The following BAZ2B variants were observed in gnomAD, a reference collection of about 807,000 sequenced individuals.
BAZ2B encodes bromodomain adjacent to zinc finger domain protein 2B.
In BAZ2B, 91 loss-of-function variants were observed where a neutral mutation model predicts 246.0. That is an observed-to-expected ratio of 0.37 (90% confidence interval 0.31 to 0.44). BAZ2B has a LOEUF of 0.44. Among genes scored for constraint, BAZ2B ranks in the 20% least tolerant of loss-of-function variants. The probability of loss-of-function intolerance (pLI) is 1.00; values close to 1 mark genes in which losing one functional copy is unlikely to be tolerated. For missense variants in BAZ2B, 2,332 were observed against 2,533.7 expected, an observed-to-expected ratio of 0.92 and a Z score of 1.71; for synonymous variants, 855 against 860.0, an observed-to-expected ratio of 0.99 and a Z score of 0.10.
intron 27 of BAZ2B, among the ~76,000 whole-genome samples, chr2:159,355,816 C>T (rs1337117350): frequency 1.3e-5 from 2 of 152,130 alleles, no homozygotes; most frequent in Admixed American, 6.5e-5. Flanking sequence ...ACTGGTTAGA[C>T]AGTGGGTGCA....
At chr2:159,550,519 T>C (rs2088023591) in intron 2 of BAZ2B, among the ~76,000 whole-genome samples, 1 of 152,162 alleles carries the variant, frequency 6.6e-6, no homozygotes, top group East Asian at 1.9e-4. Flanking sequence ...GCCAGATTAC[T>C]ATACCTAGCT....
chr2:159,376,632 C>A (rs73967859), intron 25 of BAZ2B, among the ~76,000 whole-genome samples: 1 of 152,180 alleles, frequency 6.6e-6, no homozygotes, highest in Non-Finnish European at 1.5e-5. Flanking sequence ...AAATGATCTT[C>A]TGATCAGCAG....
At chr2:159,418,019 G>A (rs574864682) in intron 13 of BAZ2B, among the ~76,000 whole-genome samples, 46 of 152,280 alleles carry the variant, frequency 3.0e-4, no homozygotes, top group African/African-American at 9.9e-4. Context: ...ATTGAACACC[G>A]CCTGGATGTG....
At chr2:159,390,621 G>A (rs1012940789) in intron 20 of BAZ2B, among the ~76,000 whole-genome samples, 2 of 152,236 alleles carry the variant, frequency 1.3e-5, no homozygotes, top group South Asian at 2.1e-4. Flanking sequence ...AAGGCCAAGA[G>A]GGAGAAAGAG....
intron 1 of BAZ2B, among the ~76,000 whole-genome samples, chr2:159,595,113 T>A (rs1057023611): frequency 2.6e-5 from 4 of 151,736 alleles, no homozygotes; most frequent in African/African-American, 9.7e-5. Context: ...ATATACTTTT[T>A]TTTTTTTAAA....
chr2:159,418,446 C>T (rs749610628), intron 13 of BAZ2B, among the ~76,000 whole-genome samples: 8 of 152,158 alleles, frequency 5.3e-5, no homozygotes, highest in Non-Finnish European at 1.0e-4. Context: ...GGGTTTCCCA[C>T]ATTTCACTGA....
At chr2:159,329,277 T>TTATTGGGTATTATAAA (rs1382548271) in intron 34 of BAZ2B, among the ~76,000 whole-genome samples, 1 of 152,160 alleles carries the variant, frequency 6.6e-6, no homozygotes, top group Non-Finnish European at 1.5e-5. Flanking sequence ...TTGCATAGTT[T>TTATTGGGTATTATAAA]TATTGGGTAT....
At chr2:159,455,921 ATGT>A (rs1234771267) in intron 3 of BAZ2B, among the ~76,000 whole-genome samples, 1 of 151,832 alleles carries the variant, frequency 6.6e-6, no homozygotes, top group Non-Finnish European at 1.5e-5. Context: ...CCTGACTCAA[ATGT>A]TGTTAAATGT....
intron 1 of BAZ2B, among the ~76,000 whole-genome samples, chr2:159,603,419 TTCC>T (rs1692648006): frequency 6.6e-6 from 1 of 152,216 alleles, no homozygotes; most frequent in African/African-American, 2.4e-5. Flanking sequence ...TGAAATTTCT[TTCC>T]TCAAGCTCCA....
intron 1 of BAZ2B, among the ~76,000 whole-genome samples, chr2:159,567,416 A>G (rs1682890036): frequency 6.6e-6 from 1 of 152,176 alleles, no homozygotes; most frequent in Admixed American, 6.5e-5. Context: ...ATTTTCTTGA[A>G]AGAAGCACAG....
chr2:159,378,807 C>T (rs564184142), intron 25 of BAZ2B, among the ~76,000 whole-genome samples: 1 of 152,200 alleles, frequency 6.6e-6, no homozygotes, highest in South Asian at 2.1e-4. Context: ...AAGAGACAGA[C>T]AGGAGTGTTG....
chr2:159,360,089 T>C (rs901598528), intron 27 of BAZ2B, among the ~76,000 whole-genome samples: 3 of 152,178 alleles, frequency 2.0e-5, no homozygotes, highest in African/African-American at 4.8e-5. Flanking sequence ...CAACATAGTA[T>C]TGGAAGTTCT....
chr2:159,549,168 C>T (rs970914194), intron 2 of BAZ2B, among the ~76,000 whole-genome samples: 1 of 152,222 alleles, frequency 6.6e-6, no homozygotes, highest in African/African-American at 2.4e-5. Flanking sequence ...GAAACCCCAG[C>T]TACTCAGGAG....
chr2:159,615,238 T>A (rs193094930), intron 1 of BAZ2B: 1 of 146,150 alleles, frequency 6.8e-6, no homozygotes, highest in Non-Finnish European at 1.5e-5. Context: ...AATTCTGGGG[T>A]TCGTGAAACT....
At chr2:159,605,336 T>G (rs1240479332) in intron 1 of BAZ2B, among the ~76,000 whole-genome samples, 2 of 152,058 alleles carry the variant, frequency 1.3e-5, no homozygotes, top group East Asian at 3.8e-4. Context: ...GCACCTGGCT[T>G]GATAAGTGAT....
chr2:159,667,683 T>C, the BAZ2B span, among the ~76,000 whole-genome samples: 2 of 151,958 alleles, frequency 1.3e-5, no homozygotes, highest in African/African-American at 4.8e-5. Flanking sequence ...TTAGCATCCT[T>C]GGTGAAAATC....
chr2:159,332,730 A>G lies in BAZ2B; in HGVS notation c.5797-44T>C, dbSNP rs746034674. 4.4e-6 allele frequency: 7 copies of G among 1,596,880 alleles called. No homozygotes were observed. In the African/African-American group the frequency reaches 9.4e-5, roughly 21 times the overall value. On this transcript the variant is annotated intron_variant, in intron 33 of 36. Transcript: ENST00000392783. ...CATTTAAAATTAACGCTCTGCCATG[A>G]ATAATAGTTATTGGGATGTTAAACA...
rs142680679 is a variant in BAZ2B, at chr2:159,483,290, T to C, written c.-2-4569A>G. ...ATGGCTCACTGCAGCCTCAACCTCCTGGGCTCCAGTGATCCTCCCACCTCA... is the reference window on the plus strand; with the variant it reads ...ATGGCTCACTGCAGCCTCAACCTCCCGGGCTCCAGTGATCCTCCCACCTCA... On this transcript the variant is annotated intron_variant, in intron 2 of 36. Transcript: ENST00000392783. Among the ~76,000 whole-genome samples, 981 of 152,208 alleles carry C rather than the reference T, an allele frequency of 6.4e-3. 12 individuals carry two copies. The highest frequency in any genetic ancestry group is 0.022 in the African/African-American group (932 of 41,542).
the BAZ2B span, among the ~76,000 whole-genome samples, chr2:159,695,844 T>G: frequency 1.8e-4 from 27 of 152,156 alleles, no homozygotes; most frequent in Non-Finnish European, 2.4e-4. Flanking sequence ...AACCTCTGCC[T>G]CCTGGGTTCA....
Sources: allele counts gnomAD v4.1 joint callset (sites outside exome capture counted in the v4.1 genomes callset), GRCh38; gene constraint gnomAD v4.1.1; transcripts MANE v1.5; gene names NCBI Gene and HGNC (gene_info 2026-07-23, HGNC 2026-07-21).